Variants in SGTB observed in about 807,000 individuals in gnomAD.
The protein encoded by SGTB is small glutamine rich tetratricopeptide repeat co-chaperone beta.
A neutral mutation model predicts 43.9 loss-of-function variants in SGTB; 19 were observed. The observed-to-expected ratio is 0.43, with a 90% CI of 0.30 to 0.63. The LOEUF is 0.63. SGTB is among the 30% of genes least tolerant of loss of function. The probability of loss-of-function intolerance (pLI) is 0.12; values close to 1 mark genes in which losing one functional copy is unlikely to be tolerated. For missense variants in SGTB, 304 were observed against 358.9 expected, an observed-to-expected ratio of 0.85 and a Z score of 1.24; for synonymous variants, 116 against 117.3, an observed-to-expected ratio of 0.99 and a Z score of 0.07.
intron 8 of SGTB, among the ~76,000 whole-genome samples, chr5:65,680,027 G>A (rs934241885): frequency 6.6e-6 from 1 of 152,196 alleles, no homozygotes; most frequent in Non-Finnish European, 1.5e-5. Flanking sequence ...CATGGATGGA[G>A]CTGGAGGCCA....
chr5:65,685,313 G>T, intron 6 of SGTB, 55 bp downstream of exon 6: 1 of 1,494,160 alleles, frequency 6.7e-7, no homozygotes, highest in South Asian at 1.1e-5. Flanking sequence ...AAGCCATTAA[G>T]AACAGCATAC....
chr5:65,715,403 G>A (rs769643248), intron 2 of SGTB, among the ~76,000 whole-genome samples: 1 of 152,092 alleles, frequency 6.6e-6, no homozygotes, highest in Non-Finnish European at 1.5e-5. Context: ...TAATTCAAAA[G>A]TTTTCACATG....
At chr5:65,720,853 T>C in intron 1 of SGTB, 24 bp from the exon 2 acceptor site, 1 of 1,597,076 alleles carries the variant, frequency 6.3e-7, no homozygotes, top group Admixed American at 1.8e-5. Flanking sequence ...ATGAAAACAC[T>C]GAACTAAGTT....
chr5:65,685,513 A>G, intron 5 of SGTB, 41 bp from the exon 6 acceptor site: 2 of 1,572,676 alleles, frequency 1.3e-6, no homozygotes. Flanking sequence ...GGCAGTTTTC[A>G]AGGCACTAAT....
chr5:65,701,155 C>A (rs536681699), intron 5 of SGTB, among the ~76,000 whole-genome samples: 84 of 151,638 alleles, frequency 5.5e-4, no homozygotes, highest in South Asian at 1.7e-3. Context: ...TATAACCTAA[C>A]CACAAAAGAA....
chr5:65,680,418 T>C, intron 8 of SGTB, 76 bp downstream of exon 8: 1 of 1,502,912 alleles, frequency 6.7e-7, no homozygotes, highest in Non-Finnish European at 9.1e-7. Context: ...AACTCACTTG[T>C]TTCTAAAAAA....
chr5:65,722,474 G>T (rs1405493186), upstream of SGTB: 1 of 1,459,092 alleles, frequency 6.9e-7, no homozygotes, highest in Non-Finnish European at 9.3e-7. Context: ...TCGCCGTGTG[G>T]TGCCTGGAGC....
At chr5:65,706,986 C>T (rs999118489) in intron 4 of SGTB, among the ~76,000 whole-genome samples, 5 of 151,438 alleles carry the variant, frequency 3.3e-5, no homozygotes, top group African/African-American at 9.7e-5. Flanking sequence ...ATAGGCCAGG[C>T]GTGGTGGCTC....
chr5:65,720,677 A>C, intron 2 of SGTB, 31 bp downstream of exon 2: 2 of 1,595,212 alleles, frequency 1.3e-6, no homozygotes, highest in South Asian at 2.3e-5. Flanking sequence ...TATAATTATA[A>C]TATAAATGAA....
At position 65,688,484 on chromosome 5, in the gene SGTB, C is replaced by T. The variant is rs565873218; in HGVS notation, c.375-3012G>A. Among the ~76,000 whole-genome samples the T allele has an allele frequency of 3.3e-5, 5 of 152,246 alleles. No homozygotes were observed. In the East Asian group the frequency reaches 5.8e-4, roughly 18 times the overall value. On this transcript the variant is annotated intron_variant, in intron 5 of 10. Coordinates refer to ENST00000381007, the MANE Select transcript of SGTB (RefSeq NM_019072.3). ...GAAACATGCAAGAAGGGTAAAAGGG[C>T]TCATGGGAGGATGGAGAGAGAAAAT...
intron 10 of SGTB, 21 bp downstream of exon 10, chr5:65,671,894 T>C: frequency 6.2e-7 from 1 of 1,608,878 alleles, no homozygotes; most frequent in Non-Finnish European, 8.5e-7. Flanking sequence ...CTTCACTATT[T>C]CTGTTTTAAA....
chr5:65,717,671 G>C (rs115686289), intron 2 of SGTB, among the ~76,000 whole-genome samples: 2,986 of 152,186 alleles, frequency 0.02, 47 homozygotes, highest in Non-Finnish European at 0.03. Context: ...TTGAGGGTTT[G>C]AGAAGATATG....
chr5:65,672,104 A>G (rs1408528482), intron 9 of SGTB, 106 bp from the exon 10 acceptor site: 1 of 1,564,604 alleles, frequency 6.4e-7, no homozygotes, highest in African/African-American at 1.4e-5. Context: ...ACCAGAGGCT[A>G]GGCCAAATGT....
At chr5:65,687,138 G>A (rs991409947) in intron 5 of SGTB, among the ~76,000 whole-genome samples, 2 of 152,168 alleles carry the variant, frequency 1.3e-5, no homozygotes, top group African/African-American at 4.8e-5. Context: ...CATTTAGTGG[G>A]AAGAAAAGGA....
At chr5:65,671,722 T>A (rs1227141884) in intron 10 of SGTB, among the ~76,000 whole-genome samples, 193 bp downstream of exon 10, 3 of 152,108 alleles carry the variant, frequency 2.0e-5, no homozygotes, top group African/African-American at 7.2e-5. Flanking sequence ...TATCTAGGTA[T>A]GGATTCCTGC....
chr5:65,707,257 T>C (rs1757950160), intron 4 of SGTB, among the ~76,000 whole-genome samples: 1 of 150,846 alleles, frequency 6.6e-6, no homozygotes, highest in African/African-American at 2.5e-5. Context: ...AGAGACTCTG[T>C]CTCAAAAAAA....
rs895063501 is a variant in SGTB at position 65,667,774 on chromosome 5, T to C, written c.*2472A>G. 2.6e-5 allele frequency: 4 copies of C among 152,176 alleles called. No homozygotes were observed. The South Asian group carries it at 8.3e-4, about 32-fold the overall frequency. The allele number at this position is 152,176 out of a possible 1,614,324, so 9.4% of individuals were successfully genotyped here. On this transcript the variant is annotated 3_prime_UTR_variant, in exon 11 of 11. Coordinates refer to ENST00000381007, the MANE Select transcript of SGTB (RefSeq NM_019072.3). ...AAAAATGGCCATTCCTAGGCCTTAT[T>C]ACAGGACCTACTGTATCAGAATTGA...
At chr5:65,692,474 T>G (rs1173630387) in intron 5 of SGTB, among the ~76,000 whole-genome samples, 1 of 152,204 alleles carries the variant, frequency 6.6e-6, no homozygotes, top group Admixed American at 6.5e-5. Context: ...GTACACATAA[T>G]TATTTTTGTA....
At position 65,669,709 on chromosome 5, in the gene SGTB, G is replaced by A. The variant is rs1375307525; in HGVS notation, c.*537C>T. The A allele has an allele frequency of 2.0e-5, 3 of 152,574 alleles. No homozygotes were observed. Among genetic ancestry groups the A allele is most frequent in the African/African-American group, 2.4e-5 (1 of 41,424 alleles). The allele number at this position is 152,574 out of a possible 1,614,324, so 9.5% of individuals were successfully genotyped here. ...ACAAGCAACATTAAAGATAACATTGGTTCCCATGTTATATATTCATTACTA... is the reference window on the plus strand; with the variant it reads ...ACAAGCAACATTAAAGATAACATTGATTCCCATGTTATATATTCATTACTA... On this transcript the variant is annotated 3_prime_UTR_variant, in exon 11 of 11. Transcript: ENST00000381007.
Sources: allele counts gnomAD v4.1 joint callset (sites outside exome capture counted in the v4.1 genomes callset), GRCh38; gene constraint gnomAD v4.1.1; transcripts MANE v1.5; gene names NCBI Gene and HGNC (gene_info 2026-07-23, HGNC 2026-07-21).